Variants in PRKN observed in about 807,000 individuals in gnomAD.
PRKN encodes E3 ubiquitin-protein ligase parkin.
In PRKN, 56 loss-of-function variants were observed where a neutral mutation model predicts 59.5. That is an observed-to-expected ratio of 0.94 (90% CI 0.76 to 1.18). The LOEUF (loss-of-function observed/expected upper bound fraction) is 1.18. PRKN is among the 50% of genes most tolerant of loss of function. The pLI is 0.00. For missense variants in PRKN, 657 were observed against 596.4 expected, an observed-to-expected ratio of 1.10 and a Z score of -1.06; for synonymous variants, 250 against 222.1, an observed-to-expected ratio of 1.13 and a Z score of -1.12.
Position 161,440,453 on chromosome 6 carries a change from G to A in PRKN, c.1084-53576C>T, listed in dbSNP as rs1014699407. On this transcript the variant is annotated intron_variant, in intron 9 of 11. Coordinates refer to ENST00000366898, the MANE Select transcript of PRKN (RefSeq NM_004562.3). The surrounding 1 kb of genome is among the most constrained non-coding windows in gnomAD (Gnocchi z 4.1). Reference sequence around the variant, plus strand: ...CCCCAAATATCAAGAATGCTGACACGGAGGTTGAGAAGCCTGGCATTTCCC... The same window carrying A: ...CCCCAAATATCAAGAATGCTGACACAGAGGTTGAGAAGCCTGGCATTTCCC... Among the ~76,000 whole-genome samples, 5 of 152,098 alleles carry A rather than the reference G, an allele frequency of 3.3e-5. No homozygotes were observed. The highest frequency in any genetic ancestry group is 7.2e-5 in the African/African-American group (3 of 41,414).
intron 7 of PRKN, among the ~76,000 whole-genome samples, chr6:161,622,890 A>T (rs1481249925): frequency 1.3e-5 from 2 of 152,218 alleles, no homozygotes; most frequent in Non-Finnish European, 2.9e-5. Context: ...AAAGAATCAC[A>T]CCTACATCAA....
At chr6:162,151,107 A>G (rs965908739) in intron 4 of PRKN, among the ~76,000 whole-genome samples, 11 of 152,342 alleles carry the variant, frequency 7.2e-5, no homozygotes, top group Middle Eastern at 6.8e-3. Flanking sequence ...GAGGCCGTCC[A>G]CAATACTGAA....
intron 4 of PRKN, among the ~76,000 whole-genome samples, chr6:162,116,116 C>G (rs920452761): frequency 1.3e-5 from 2 of 152,166 alleles, no homozygotes; most frequent in African/African-American, 4.8e-5. Flanking sequence ...TGACACATTA[C>G]CCTTGAGCAG....
chr6:161,478,694 T>C (rs1791244611), intron 9 of PRKN, among the ~76,000 whole-genome samples: 1 of 151,860 alleles, frequency 6.6e-6, no homozygotes, highest in South Asian at 2.1e-4. Context: ...AAAAATACAA[T>C]AAATTAGCCT....
chr6:161,512,800 C>T (rs975312251), intron 9 of PRKN, among the ~76,000 whole-genome samples: 1 of 152,302 alleles, frequency 6.6e-6, no homozygotes, highest in East Asian at 1.9e-4. Flanking sequence ...GTGCACACAG[C>T]TATGGGGGCT....
chr6:161,942,563 A>C (rs2128243467), intron 6 of PRKN, among the ~76,000 whole-genome samples: 1 of 152,144 alleles, frequency 6.6e-6, no homozygotes, highest in Admixed American at 6.6e-5. Flanking sequence ...AAATAATTCC[A>C]CTCAGCAAGA....
intron 1 of PRKN, among the ~76,000 whole-genome samples, chr6:162,503,189 G>A (rs1375547543): frequency 8.2e-6 from 1 of 122,406 alleles, no homozygotes; most frequent in Admixed American, 9.8e-5. Flanking sequence ...TTTAGACAGA[G>A]TCTTGCTCTG....
chr6:161,552,787 G>GT lies in PRKN; in HGVS notation c.934-3785dup, dbSNP rs368591221. 9.7e-4 allele frequency among the ~76,000 whole-genome samples: 84 copies of GT among 86,566 alleles called. No individual in the cohort carries two copies. The highest frequency in any genetic ancestry group is 2.7e-3 in the African/African-American group (70 of 25,860). The allele number at this position is 86,566 out of a possible 152,430, so 56.8% of individuals were successfully genotyped here. On this transcript the variant is annotated intron_variant, in intron 8 of 11. Transcript: ENST00000366898. This position sits in a 1 kb window ranked among gnomAD's most constrained non-coding sequence, Gnocchi z 4.9. ...TAAAAGACACCATGGTTTTGTTGTT[G>GT]TTTTTGTTTTTTGTTTTTTTTTTTT...
intron 10 of PRKN, among the ~76,000 whole-genome samples, chr6:161,381,713 A>G (rs1785994433): frequency 6.6e-6 from 1 of 152,070 alleles, no homozygotes; most frequent in Non-Finnish European, 1.5e-5. Context: ...GTGTGGATGA[A>G]GGAGGGATTT....
chr6:162,105,419 A>C (rs1780151942), intron 4 of PRKN, among the ~76,000 whole-genome samples: 1 of 152,182 alleles, frequency 6.6e-6, no homozygotes, highest in African/African-American at 2.4e-5. Context: ...TCATTTTTTA[A>C]AGATGGAGTC....
At chr6:161,826,752 C>A (rs1469161212) in intron 6 of PRKN, among the ~76,000 whole-genome samples, 1 of 152,184 alleles carries the variant, frequency 6.6e-6, no homozygotes, top group African/African-American at 2.4e-5. Context: ...GCTTGGTATC[C>A]TTTCTGACAG....
chr6:162,612,049 T>A (rs191388264), intron 1 of PRKN, among the ~76,000 whole-genome samples: 2 of 148,504 alleles, frequency 1.3e-5, no homozygotes, highest in Admixed American at 1.3e-4. Context: ...AAAAATTAGC[T>A]GGGCGTGGTG....
rs145616273 is a variant in PRKN, at chr6:162,218,159, G to T, written c.413-16907C>A. On this transcript the variant is annotated intron_variant, in intron 3 of 11. Transcript: ENST00000366898. ...TAGAGTCTCTGGGAGCACTTGCTGG[G>T]GAGCAGCGTGATGGAGGTGCTTTCC... Among the ~76,000 whole-genome samples the T allele has an allele frequency of 1.9e-3, 286 of 152,320 alleles. 2 individuals carry two copies. Among genetic ancestry groups the T allele is most frequent in the African/African-American group, 6.6e-3 (273 of 41,564 alleles).
At position 161,373,429 on chromosome 6, in the gene PRKN, G is replaced by A. The variant is rs1785522131; in HGVS notation, c.1168-13224C>T. Among the ~76,000 whole-genome samples the A allele has an allele frequency of 6.6e-6, 1 of 152,070 alleles. No individual in the cohort carries two copies. Among genetic ancestry groups the A allele is most frequent in the South Asian group, 2.1e-4 (1 of 4,832 alleles). On this transcript the variant is annotated intron_variant, in intron 10 of 11. Coordinates refer to ENST00000366898, the MANE Select transcript of PRKN (RefSeq NM_004562.3). The surrounding 1 kb of genome is among the most constrained non-coding windows in gnomAD (Gnocchi z 4.8). ...TCTTGGATTCCTCAGACACGGGTGG[G>A]AACACCTAGTCCTTGCTGAAAGAAG...
intron 7 of PRKN, among the ~76,000 whole-genome samples, chr6:161,696,466 T>C (rs1211225697): frequency 6.6e-6 from 1 of 152,226 alleles, no homozygotes; most frequent in Non-Finnish European, 1.5e-5. Context: ...GTTTTCAACA[T>C]GCCAGATGTC....
intron 6 of PRKN, among the ~76,000 whole-genome samples, chr6:161,883,357 C>T (rs1211353522): frequency 1.3e-5 from 2 of 151,496 alleles, no homozygotes; most frequent in Non-Finnish European, 2.9e-5. Flanking sequence ...CAAAAATTAG[C>T]CAGGCAAGGT....
chr6:162,424,747 A>G (rs1372474412), intron 2 of PRKN, among the ~76,000 whole-genome samples: 1 of 151,750 alleles, frequency 6.6e-6, no homozygotes, highest in Admixed American at 6.6e-5. Context: ...AGAAAAAAAA[A>G]AAAAAGAAAA....
At chr6:162,312,932 A>G (rs1205497140) in intron 2 of PRKN, among the ~76,000 whole-genome samples, 1 of 152,164 alleles carries the variant, frequency 6.6e-6, no homozygotes, top group African/African-American at 2.4e-5. Context: ...AATGTACACT[A>G]GATGCCAGAA....
chr6:162,227,401 TTA>T (rs1778230787), intron 3 of PRKN, among the ~76,000 whole-genome samples: 1 of 152,128 alleles, frequency 6.6e-6, no homozygotes, highest in Non-Finnish European at 1.5e-5. Context: ...TCTCTACCCT[TTA>T]TATCTATATC....
Sources: gnomAD v4.1 joint callset for allele counts (sites outside exome capture counted in the v4.1 genomes callset) on GRCh38, gnomAD v4.1.1 for gene constraint, Gnocchi (gnomAD v3.1) non-coding constraint, MANE v1.5 for transcripts, NCBI Gene and HGNC (gene_info 2026-07-23, HGNC 2026-07-21) for gene names.